Variants in COL22A1 observed in about 807,000 individuals in gnomAD.
COL22A1 encodes the protein collagen type XXII alpha 1 chain, also known as collagen alpha-1(XXII) chain.
In COL22A1, 221 loss-of-function variants were observed where a neutral mutation model predicts 248.9. The observed-to-expected ratio is 0.89, with a 90% CI of 0.80 to 0.99. The LOEUF (loss-of-function observed/expected upper bound fraction) is 0.99, where lower values mean the gene tolerates loss of function less well. Among genes scored for constraint, COL22A1 ranks in the 50% least tolerant of loss-of-function variants. The probability of loss-of-function intolerance (pLI) is 0.00; values close to 1 mark genes in which losing one functional copy is unlikely to be tolerated. For missense variants in COL22A1, 2,240 were observed against 2,179.0 expected (o/e 1.03, Z -0.56); for synonymous variants, 891 against 793.4 (o/e 1.12, Z -2.07).
chr8:138,794,428 G>A lies in COL22A1; in HGVS notation c.1596+2391C>T, dbSNP rs187427172. On this transcript the variant is annotated intron_variant, in intron 12 of 64. Coordinates refer to ENST00000303045, the MANE Select transcript of COL22A1 (RefSeq NM_152888.3). Reference sequence around the variant, plus strand: ...AGCTGCTGAACATGTTGGTGGGAACGCAGATGGTCTCACCACTGTGGAAAA... The same window carrying A: ...AGCTGCTGAACATGTTGGTGGGAACACAGATGGTCTCACCACTGTGGAAAA... 1.8e-3 allele frequency among the ~76,000 whole-genome samples: 275 copies of A among 151,302 alleles called. 2 individuals carry two copies. The South Asian group carries it at 0.027, about 15-fold the overall frequency.
intron 50 of COL22A1, among the ~76,000 whole-genome samples, chr8:138,628,602 C>G (rs1820447125): frequency 6.6e-6 from 1 of 152,282 alleles, no homozygotes; most frequent in East Asian, 1.9e-4. Context: ...AACAAAACTT[C>G]CAGTATATTC....
chr8:138,734,111 T>C (rs1474179912), intron 23 of COL22A1, among the ~76,000 whole-genome samples: 1 of 152,204 alleles, frequency 6.6e-6, no homozygotes, highest in Non-Finnish European at 1.5e-5. Context: ...GCCTCCAAAC[T>C]GCCTCTGTTG....
At chr8:138,850,631 C>T (rs184979612) in intron 3 of COL22A1, among the ~76,000 whole-genome samples, 7 of 152,324 alleles carry the variant, frequency 4.6e-5, no homozygotes, top group Non-Finnish European at 8.8e-5. Flanking sequence ...TCTGTCCTCT[C>T]CCAGCCAAGT....
chr8:138,692,346 ATG>A (rs1262085487), intron 35 of COL22A1, among the ~76,000 whole-genome samples: 3 of 71,176 alleles, frequency 4.2e-5, no homozygotes, highest in East Asian at 8.6e-4. Context: ...GGATGTGTGT[ATG>A]TGTGCACATG....
intron 44 of COL22A1, among the ~76,000 whole-genome samples, chr8:138,659,610 A>T (rs575195011): frequency 5.3e-5 from 8 of 152,168 alleles, no homozygotes; most frequent in Non-Finnish European, 1.0e-4. Flanking sequence ...CTCTCAGGCC[A>T]GCACATCCCC....
chr8:138,629,424 G>A (rs993519462), intron 50 of COL22A1, among the ~76,000 whole-genome samples: 1 of 152,282 alleles, frequency 6.6e-6, no homozygotes, highest in East Asian at 1.9e-4. Context: ...AAAGTACTGG[G>A]ATTACAGGCA....
chr8:138,727,733 G>C (rs890868460), intron 23 of COL22A1, among the ~76,000 whole-genome samples: 9 of 152,206 alleles, frequency 5.9e-5, no homozygotes, highest in Admixed American at 1.3e-4. Context: ...GTCCTGGCAA[G>C]TCTTAGGGGT....
intron 4 of COL22A1, among the ~76,000 whole-genome samples, chr8:138,840,649 G>T (rs1225679771): frequency 6.6e-6 from 1 of 152,028 alleles, no homozygotes; most frequent in Non-Finnish European, 1.5e-5. Context: ...GTGCAGTGGC[G>T]TGATCTCAGC....
At chr8:138,794,254 A>T (rs1219239195) in intron 12 of COL22A1, among the ~76,000 whole-genome samples, 1 of 151,970 alleles carries the variant, frequency 6.6e-6, no homozygotes, top group Non-Finnish European at 1.5e-5. Context: ...GAGCATGGTG[A>T]TGCACGCCTG....
chr8:138,881,700 A>G (rs539734347), intron 2 of COL22A1, among the ~76,000 whole-genome samples: 149 of 152,336 alleles, frequency 9.8e-4, no homozygotes, highest in African/African-American at 3.4e-3. Context: ...AGAAAAAAGT[A>G]TATAGATCAC....
chr8:138,871,519 G>T (rs1057414086), intron 3 of COL22A1, among the ~76,000 whole-genome samples: 2 of 152,194 alleles, frequency 1.3e-5, no homozygotes, highest in African/African-American at 2.4e-5. Flanking sequence ...CAGCTTTGAA[G>T]CACTTATCAC....
chr8:138,760,307 G>A lies in COL22A1; in HGVS notation c.1858-20C>T. On this transcript the variant is annotated intron_variant, in intron 17 of 64. Coordinates refer to ENST00000303045, the MANE Select transcript of COL22A1 (RefSeq NM_152888.3). The stretch of plus-strand genomic sequence containing the variant: ...CCTGCCCTGGAGGAAAGAAAGAAAA[G>A]GCAGATTATGATGGGCACTACGGAT... 1.3e-6 allele frequency: 2 copies of A among 1,596,530 alleles called. No individual in the cohort carries two copies. Among genetic ancestry groups the A allele is most frequent in the Non-Finnish European group, 1.7e-6 (2 of 1,171,700 alleles).
intron 43 of COL22A1, among the ~76,000 whole-genome samples, chr8:138,660,927 GA>G (rs1823837081): frequency 7.3e-5 from 6 of 82,176 alleles, no homozygotes; most frequent in South Asian, 4.3e-4. Flanking sequence ...CACACACACA[GA>G]CACACAGACA....
chr8:138,819,918 A>G (rs555734348), intron 7 of COL22A1, among the ~76,000 whole-genome samples: 61 of 152,066 alleles, frequency 4.0e-4, no homozygotes, highest in African/African-American at 1.5e-3. Context: ...CTCAAGCTTA[A>G]AGGACAGCTG....
intron 11 of COL22A1, 74 bp downstream of exon 11, chr8:138,802,798 C>T (rs1052305903): frequency 1.7e-6 from 2 of 1,164,980 alleles, no homozygotes; most frequent in Non-Finnish European, 2.6e-6. Context: ...TGCTGATTTG[C>T]ATGATCGGAG....
intron 43 of COL22A1, among the ~76,000 whole-genome samples, chr8:138,661,015 C>A (rs1349801690): frequency 1.7e-5 from 2 of 117,586 alleles, no homozygotes; most frequent in Admixed American, 1.8e-4. Context: ...CAGACACACA[C>A]ACGCACATAC....
chr8:138,792,084 T>C (rs929085555), intron 12 of COL22A1, among the ~76,000 whole-genome samples: 1 of 152,190 alleles, frequency 6.6e-6, no homozygotes, highest in African/African-American at 2.4e-5. Context: ...GACCCAAGCA[T>C]GGCTTTGTGG....
Position 138,598,746 on chromosome 8 carries a change from T to C in COL22A1, c.4338A>G (p.Pro1446=). 6.2e-7 allele frequency: 1 copy of C among 1,613,826 alleles called. No homozygotes were observed. The highest frequency in any genetic ancestry group is 8.5e-7 in the Non-Finnish European group (1 of 1,179,892). Residue 1446 remains proline, a synonymous_variant, in exon 61 of 65, where the codon CCA becomes CCG. Transcript: ENST00000303045. ...ENGPVGPPGP[P]GQPGFPGLRG... ...TCAGTCCTGGAAATCCCGGCTGGCC[T>C]GGAGGCCCTGGGGGTCCAACTGGTC... is the stretch of plus-strand genomic sequence containing the variant.
In COL22A1 at chr8:138,764,668, CT is replaced by C. The variant is rs561560286; in HGVS notation, c.1804-2203del. 1.5e-4 allele frequency among the ~76,000 whole-genome samples: 23 copies of C among 152,364 alleles called. No homozygotes were observed. In the East Asian group the frequency reaches 4.2e-3, roughly 28 times the overall value. Reference sequence around the variant, plus strand: ...TTTTCAATCACAATTATACACTAATCTTTTAAAAAGGCTTTCCCAGTGGCTC... The same window carrying C: ...TTTTCAATCACAATTATACACTAATCTTTAAAAAGGCTTTCCCAGTGGCTC... On this transcript the variant is annotated intron_variant, in intron 16 of 64. Transcript: ENST00000303045.
Sources: allele counts gnomAD v4.1 joint callset (sites outside exome capture counted in the v4.1 genomes callset), GRCh38; gene constraint gnomAD v4.1.1; transcripts MANE v1.5; gene names NCBI Gene and HGNC (gene_info 2026-07-23, HGNC 2026-07-21).